The following PTPRT variants were observed in gnomAD, a reference collection of about 807,000 sequenced individuals.
PTPRT encodes the protein protein tyrosine phosphatase receptor type T.
Under a neutral mutation model 176.8 loss-of-function variants are expected in PTPRT, and 56 were observed. The ratio of observed to expected loss-of-function variants is 0.32; its 90% CI spans 0.26 to 0.40. PTPRT has a LOEUF of 0.40. Among genes scored for constraint, PTPRT ranks in the 10% least tolerant of loss-of-function variants. PTPRT has a pLI of 1.00. For synonymous variants in PTPRT, 783 were observed against 739.0 expected (o/e 1.06, Z -0.96); for missense variants, 1,540 against 1,908.2 (o/e 0.81, Z 3.60).
intron 9 of PTPRT, among the ~76,000 whole-genome samples, chr20:42,442,088 T>C (rs2059321499): frequency 6.6e-6 from 1 of 152,152 alleles, no homozygotes; most frequent in African/African-American, 2.4e-5. Context: ...AGCTGAGGGA[T>C]GGGAGGAGGC....
intron 1 of PTPRT, among the ~76,000 whole-genome samples, chr20:43,095,702 T>C (rs1447718792): frequency 2.4e-5 from 3 of 124,772 alleles, no homozygotes; most frequent in African/African-American, 9.7e-5. Flanking sequence ...CTGCTTCCTC[T>C]CTCTGTCTCT....
At chr20:42,366,503 C>T (rs886883262) in intron 9 of PTPRT, among the ~76,000 whole-genome samples, 1 of 152,196 alleles carries the variant, frequency 6.6e-6, no homozygotes, top group Admixed American at 6.5e-5. Context: ...AGAAGCTCTA[C>T]CTTGTCATTG....
intron 9 of PTPRT, among the ~76,000 whole-genome samples, chr20:42,420,522 C>T (rs1448715614): frequency 6.6e-6 from 1 of 152,120 alleles, no homozygotes; most frequent in African/African-American, 2.4e-5. Context: ...CTCCTTACGC[C>T]AGGCTAATCA....
chr20:42,741,469 C>T (rs1395134991), intron 6 of PTPRT, among the ~76,000 whole-genome samples: 1 of 152,172 alleles, frequency 6.6e-6, no homozygotes, highest in African/African-American at 2.4e-5. Flanking sequence ...CTCAGTATCC[C>T]GAGTAGTTGG....
At chr20:42,804,851 A>G (rs1422874239) in intron 2 of PTPRT, among the ~76,000 whole-genome samples, 7 of 152,330 alleles carry the variant, frequency 4.6e-5, no homozygotes, top group Non-Finnish European at 8.8e-5. Context: ...TTTGTTAAGG[A>G]AAAAACACCA....
rs141372694 is a variant in PTPRT, at chr20:42,955,895, G to A, written c.89-69963C>T. 6.2e-3 allele frequency among the ~76,000 whole-genome samples: 946 copies of A among 151,954 alleles called. 3 individuals are homozygous for A. The highest frequency in any genetic ancestry group is 1.0e-2 in the Non-Finnish European group (679 of 67,928). On this transcript the variant is annotated intron_variant, in intron 1 of 30. Transcript: ENST00000373187. Reference sequence around the variant, plus strand: ...AGGGAGGGAGGATGAACCTATACAAGGCAGTGCATCCCCGGGCCAGCCACA... The same window carrying A: ...AGGGAGGGAGGATGAACCTATACAAAGCAGTGCATCCCCGGGCCAGCCACA...
rs576431506 is a variant in PTPRT, at chr20:42,624,934, C to T, written c.1153+52932G>A. 3.2e-4 allele frequency among the ~76,000 whole-genome samples: 48 copies of T among 152,262 alleles called. No homozygotes were observed. In the South Asian group the frequency reaches 8.7e-3, roughly 28 times the overall value. ...GCACACATCTGTCAGCCCTAAGGGACTCCAGAGGTACCACAGTCAAGTTCC... is the reference window on the plus strand; with the variant it reads ...GCACACATCTGTCAGCCCTAAGGGATTCCAGAGGTACCACAGTCAAGTTCC... On this transcript the variant is annotated intron_variant, in intron 7 of 30. Transcript: ENST00000373187.
chr20:42,311,508 C>T (rs568081764), intron 12 of PTPRT, among the ~76,000 whole-genome samples: 2 of 152,180 alleles, frequency 1.3e-5, no homozygotes, highest in South Asian at 2.1e-4. Flanking sequence ...ATTATTCCAC[C>T]TGGCTCACAA....
chr20:42,153,438 G>C (rs939611327), intron 17 of PTPRT, among the ~76,000 whole-genome samples: 1 of 152,132 alleles, frequency 6.6e-6, no homozygotes, highest in African/African-American at 2.4e-5. Context: ...ACCAGGTTTT[G>C]ACTCTTGGTC....
intron 1 of PTPRT, among the ~76,000 whole-genome samples, chr20:43,185,346 T>G (rs187963741): frequency 2.0e-5 from 3 of 152,282 alleles, no homozygotes; most frequent in African/African-American, 7.2e-5. Flanking sequence ...GCTGTGCAGT[T>G]GATCTCCAGG....
the PTPRT span, among the ~76,000 whole-genome samples, chr20:42,058,553 C>T: frequency 9.6e-4 from 147 of 152,346 alleles, 1 homozygote; most frequent in African/African-American, 3.2e-3. Context: ...TTTCCAGCCC[C>T]TCCTTCACCA....
chr20:42,157,631 C>T (rs186381631), intron 17 of PTPRT, among the ~76,000 whole-genome samples: 3 of 152,098 alleles, frequency 2.0e-5, no homozygotes, highest in Admixed American at 6.6e-5. Flanking sequence ...TCTTCCCCCC[C>T]CAATATTTCT....
At chr20:42,332,841 T>C (rs2057986855) in intron 11 of PTPRT, among the ~76,000 whole-genome samples, 1 of 152,340 alleles carries the variant, frequency 6.6e-6, no homozygotes, top group East Asian at 1.9e-4. Context: ...AAATGTAATA[T>C]TTTGATATGG....
At chr20:43,145,256 C>G (rs1055492543) in intron 1 of PTPRT, among the ~76,000 whole-genome samples, 1 of 152,186 alleles carries the variant, frequency 6.6e-6, no homozygotes. Context: ...TATTTATTTA[C>G]TTATTTCTTT....
chr20:42,195,961 T>C (rs1991200078), intron 16 of PTPRT, among the ~76,000 whole-genome samples: 1 of 152,156 alleles, frequency 6.6e-6, no homozygotes, highest in African/African-American at 2.4e-5. Flanking sequence ...ATCTTAAGGG[T>C]CTAAGTTTTG....
Position 43,133,792 on chromosome 20 carries a change from G to A in PTPRT, c.88+55854C>T, listed in dbSNP as rs535277447. ...AGTATTGGAGTGCTGGTTCTGAAACGCTAGCCTGCATCAGTGTCAGAGGGT... is the reference window on the plus strand; with the variant it reads ...AGTATTGGAGTGCTGGTTCTGAAACACTAGCCTGCATCAGTGTCAGAGGGT... On this transcript the variant is annotated intron_variant, in intron 1 of 30. Transcript: ENST00000373187. Among the ~76,000 whole-genome samples, 531 of 150,550 alleles carry A rather than the reference G, an allele frequency of 3.5e-3. 5 individuals are homozygous for A. The highest frequency in any genetic ancestry group is 6.1e-3 in the Non-Finnish European group (411 of 67,828).
chr20:42,471,745 T>A (rs1400054531), intron 8 of PTPRT, among the ~76,000 whole-genome samples: 1 of 152,062 alleles, frequency 6.6e-6, no homozygotes, highest in African/African-American at 2.4e-5. Flanking sequence ...AACCTCTGCC[T>A]CCCAAGTTCA....
At chr20:42,268,862 C>T (rs73909250) in intron 13 of PTPRT, among the ~76,000 whole-genome samples, 8,020 of 152,140 alleles carry the variant, frequency 0.053, 739 homozygotes, top group African/African-American at 0.18. Context: ...CTTTACTGGG[C>T]GGGTGTGACT....
chr20:42,559,992 C>T (rs1043642777), intron 7 of PTPRT, among the ~76,000 whole-genome samples: 1 of 152,174 alleles, frequency 6.6e-6, no homozygotes, highest in Admixed American at 6.5e-5. Context: ...AGAGAAATCT[C>T]CCACTTCCAT....
Sources: gnomAD v4.1 joint callset for allele counts (sites outside exome capture counted in the v4.1 genomes callset) on GRCh38, gnomAD v4.1.1 for gene constraint, MANE v1.5 for transcripts, NCBI Gene and HGNC (gene_info 2026-07-23, HGNC 2026-07-21) for gene names.